SNAP91: variants seen among roughly 807,000 people sequenced by gnomAD.
The protein encoded by SNAP91 is synaptosome associated protein 91.
In SNAP91, 27 loss-of-function variants were observed where a neutral mutation model predicts 100.3. The observed-to-expected ratio is 0.27, with a 90% CI of 0.20 to 0.37. The LOEUF (loss-of-function observed/expected upper bound fraction) is 0.37. Ranked by LOEUF, SNAP91 falls within the 10% of genes least tolerant of loss-of-function variation. The pLI is 1.00. For missense variants in SNAP91, 986 were observed against 1,123.7 expected (o/e 0.88, Z 1.75); for synonymous variants, 404 against 398.6 (o/e 1.01, Z -0.16).
At chr6:83,594,560 T>TA (rs2094238125) in intron 16 of SNAP91, 79 bp from the exon 17 acceptor site, 1 of 861,144 alleles carries the variant, frequency 1.2e-6, no homozygotes, top group Non-Finnish European at 1.7e-6. Flanking sequence ...CAAGTTAAAT[T>TA]GTGAAGAAGG....
chr6:83,572,621 C>T (rs1810335530), intron 26 of SNAP91, among the ~76,000 whole-genome samples: 1 of 152,098 alleles, frequency 6.6e-6, no homozygotes, highest in Non-Finnish European at 1.5e-5. Flanking sequence ...ACCTTGCCTT[C>T]CAATACCCCT....
At chr6:83,649,650 T>C (rs1363430998) in intron 7 of SNAP91, among the ~76,000 whole-genome samples, 1 of 152,012 alleles carries the variant, frequency 6.6e-6, no homozygotes, top group Admixed American at 6.6e-5. Context: ...AGTATAATCT[T>C]GGCTCACTGC....
intron 22 of SNAP91, 81 bp from the exon 23 acceptor site, chr6:83,582,437 A>T (rs568934446): frequency 7.2e-7 from 1 of 1,394,340 alleles, no homozygotes. Context: ...AAAAAGTTAT[A>T]GAAAACTGAA....
At chr6:83,690,275 T>G (rs745766254) in intron 2 of SNAP91, 13 of 1,178,792 alleles carry the variant, frequency 1.1e-5, no homozygotes, top group Non-Finnish European at 1.3e-5. Flanking sequence ...AATACTGTGA[T>G]CCAAAACAAA....
intron 11 of SNAP91, chr6:83,611,381 A>T (rs1397530929): frequency 2.3e-6 from 1 of 441,714 alleles, no homozygotes; most frequent in African/African-American, 2.0e-5. Flanking sequence ...GGTAGCATTG[A>T]CTATTGCAGA....
At chr6:83,661,726 T>C in intron 4 of SNAP91, 122 bp from the exon 5 acceptor site, 5 of 484,988 alleles carry the variant, frequency 1.0e-5, no homozygotes, top group South Asian at 5.2e-5. Flanking sequence ...TCAATAACTG[T>C]ATCAGATAGA....
At chr6:83,626,455 G>A (rs2096932835) in intron 8 of SNAP91, among the ~76,000 whole-genome samples, 1 of 152,056 alleles carries the variant, frequency 6.6e-6, no homozygotes. Flanking sequence ...GGGCAGTAGA[G>A]CCATTTTAAC....
chr6:83,591,928 A>C (rs949005228), intron 21 of SNAP91, among the ~76,000 whole-genome samples: 2 of 152,240 alleles, frequency 1.3e-5, no homozygotes, highest in Admixed American at 6.5e-5. Flanking sequence ...GGAAGAGGGA[A>C]ATATATTTAA....
Position 83,560,157 on chromosome 6 carries a change from C to G in SNAP91, c.2578G>C (p.Ala860Pro). The change falls in exon 28 of 30, where the codon GCA becomes CCA. Residue 860 changes from alanine (A) to proline (P), a missense_variant. Ala to Pro is a conservative substitution (Grantham distance 27). Around this residue, in one of 4 missense-constraint regions of SNAP91, gnomAD observed 71 missense variants for 68.5 expected, o/e 1.04. Coordinates refer to ENST00000369694, the MANE Select transcript of SNAP91 (RefSeq NM_001242792.2). ...AAGGGGGGCCTCATCATGGGCTGTGCAAACATGACCGGCTGCTGAGGCATC... is the reference window on the plus strand; with the variant it reads ...AAGGGGGGCCTCATCATGGGCTGTGGAAACATGACCGGCTGCTGAGGCATC... Reference protein sequence around the residue: ...PMMPQQPVMFAQPMMRPPFGA... With the variant: ...PMMPQQPVMFPQPMMRPPFGA... 1.2e-6 allele frequency: 2 copies of G among 1,613,956 alleles called. No homozygotes were observed. Among genetic ancestry groups the G allele is most frequent in the South Asian group, 2.2e-5 (2 of 91,076 alleles).
rs6917185 is a variant in SNAP91, at chr6:83,560,789, A to G, written c.2526+75T>C. 5,876 of 1,220,140 alleles carry G rather than the reference A, an allele frequency of 4.8e-3. 198 individuals carry two copies. In the African/African-American group the frequency reaches 0.078, roughly 16 times the overall value. The allele number at this position is 1,220,140 out of a possible 1,614,324, so 75.6% of individuals were successfully genotyped here. A position where few individuals can be genotyped will look rare whatever the true frequency, so the allele number is the denominator to read the frequency against. On this transcript the variant is annotated intron_variant, in intron 27 of 29. Transcript: ENST00000369694. ...TTTGGGAAAAATTATATTCTGTAGG[A>G]ATACTTAGTAATTTGGGATTTGGCA... is the stretch of plus-strand genomic sequence containing the variant.
intron 2 of SNAP91, among the ~76,000 whole-genome samples, chr6:83,695,673 C>T (rs766035839): frequency 3.9e-5 from 6 of 152,064 alleles, no homozygotes; most frequent in African/African-American, 1.2e-4. Context: ...ATTGAGTGCT[C>T]GCTTCATACT....
At position 83,553,051 on chromosome 6, in the gene SNAP91, A is replaced by G. The variant is rs553573308; in HGVS notation, c.*1245T>C. 6.5e-6 allele frequency: 1 copy of G among 152,674 alleles called. No individual in the cohort carries two copies. The highest frequency in any genetic ancestry group is 1.9e-4 in the East Asian group (1 of 5,186). The allele number at this position is 152,674 out of a possible 1,614,324, so 9.5% of individuals were successfully genotyped here. ...TAAATTCAGATACAACCACTTTTAA[A>G]TGGTACCATACATCTATTAAATAAT... On this transcript the variant is annotated 3_prime_UTR_variant, in exon 30 of 30. Coordinates refer to ENST00000369694, the MANE Select transcript of SNAP91 (RefSeq NM_001242792.2).
rs755272450 is a variant in SNAP91 at position 83,591,252 on chromosome 6, T to C, written c.1973A>G (p.Gln658Arg). Reference sequence around the variant, plus strand: ...CGATGCTGATGAACTAGAAGCAGCCTGAGATGCAGGTTGGGGTTCAGAAGC... The same window carrying C: ...CGATGCTGATGAACTAGAAGCAGCCCGAGATGCAGGTTGGGGTTCAGAAGC... Reference protein sequence around the residue: ...SSASEPQPASQAASSSSASAD... With the variant: ...SSASEPQPASRAASSSSASAD... Residue 658 changes from glutamine (Q) to arginine (R), a missense_variant, in exon 22 of 30, where the codon CAG becomes CGG. Around this residue, in one of 4 missense-constraint regions of SNAP91, gnomAD observed 575 missense variants for 579.9 expected, o/e 0.99. Coordinates refer to ENST00000369694, the MANE Select transcript of SNAP91 (RefSeq NM_001242792.2). 6.2e-7 allele frequency: 1 copy of C among 1,612,878 alleles called. No individual in the cohort carries two copies. The highest frequency in any genetic ancestry group is 8.5e-7 in the Non-Finnish European group (1 of 1,178,952).
chr6:83,681,787 G>C (rs574915520), intron 2 of SNAP91, among the ~76,000 whole-genome samples: 1 of 152,266 alleles, frequency 6.6e-6, no homozygotes, highest in African/African-American at 2.4e-5. Flanking sequence ...CTGTATAAAA[G>C]ATGACCAATC....
intron 11 of SNAP91, among the ~76,000 whole-genome samples, chr6:83,613,579 G>A (rs964389406): frequency 6.6e-6 from 1 of 152,116 alleles, no homozygotes; most frequent in Non-Finnish European, 1.5e-5. Context: ...TCCCAGGCTC[G>A]GAGAGGTTAA....
intron 8 of SNAP91, among the ~76,000 whole-genome samples, chr6:83,629,238 A>C (rs1420311297): frequency 6.6e-6 from 1 of 152,138 alleles, no homozygotes; most frequent in South Asian, 2.1e-4. Flanking sequence ...TTTTTACACA[A>C]GTACCATGTT....
Position 83,607,683 on chromosome 6 carries a change from A to C in SNAP91, c.1022+16T>G, listed in dbSNP as rs1305427801. 6.9e-7 allele frequency: 1 copy of C among 1,448,392 alleles called. No homozygotes were observed. Among genetic ancestry groups the C allele is most frequent in the South Asian group, 1.2e-5 (1 of 81,116 alleles). The allele number at this position is 1,448,392 out of a possible 1,614,324, so 89.7% of individuals were successfully genotyped here. A position where few individuals can be genotyped will look rare whatever the true frequency, so the allele number is the denominator to read the frequency against. On this transcript the variant is annotated intron_variant, in intron 13 of 29. Transcript: ENST00000369694. The stretch of plus-strand genomic sequence containing the variant: ...AAAATATTAATAAACAGTTAACTGC[A>C]TATTTATTTACCAACCTGACTGGGA...
intron 16 of SNAP91, among the ~76,000 whole-genome samples, chr6:83,596,257 C>G (rs1446748620): frequency 6.6e-6 from 1 of 151,982 alleles, no homozygotes; most frequent in Non-Finnish European, 1.5e-5. Context: ...AGCTGAGAGG[C>G]CAAATAAATA....
At chr6:83,642,850 T>G (rs1163329130) in intron 7 of SNAP91, among the ~76,000 whole-genome samples, 2 of 152,216 alleles carry the variant, frequency 1.3e-5, no homozygotes, top group African/African-American at 4.8e-5. Context: ...CTCCAGCACC[T>G]GTTGTTTCCT....
Sources: gnomAD v4.1 joint callset for allele counts (sites outside exome capture counted in the v4.1 genomes callset) on GRCh38, gnomAD v4.1.1 for gene constraint, gnomAD v4.1.1 regional missense constraint, MANE v1.5 for transcripts, NCBI Gene and HGNC (gene_info 2026-07-23, HGNC 2026-07-21) for gene names.